SYT14: variants seen among roughly 807,000 people sequenced by gnomAD.
The protein encoded by SYT14 is synaptotagmin 14.
In SYT14, 32 loss-of-function variants were observed where a neutral mutation model predicts 74.2. The ratio of observed to expected loss-of-function variants is 0.43; its 90% CI spans 0.33 to 0.58. The LOEUF (loss-of-function observed/expected upper bound fraction) is 0.58. Ranked by LOEUF, SYT14 falls within the 20% of genes least tolerant of loss-of-function variation. The pLI is 0.05. For missense variants in SYT14, 791 were observed against 981.8 expected (o/e 0.81, Z 2.60); for synonymous variants, 298 against 337.7 (o/e 0.88, Z 1.29).
At chr1:210,101,915 A>G (rs1035408507) in intron 7 of SYT14, among the ~76,000 whole-genome samples, 1 of 151,666 alleles carries the variant, frequency 6.6e-6, no homozygotes, top group Non-Finnish European at 1.5e-5. Context: ...CATTTCACAA[A>G]GAGAATGAAG....
At chr1:210,111,355 A>G (rs966762436) in intron 7 of SYT14, among the ~76,000 whole-genome samples, 1 of 152,010 alleles carries the variant, frequency 6.6e-6, no homozygotes, top group Non-Finnish European at 1.5e-5. Flanking sequence ...TAATGTCATC[A>G]GTTAAGGCAG....
intron 7 of SYT14, among the ~76,000 whole-genome samples, chr1:210,153,289 A>G (rs12071204): frequency 0.021 from 3,203 of 152,250 alleles, 112 homozygotes; most frequent in African/African-American, 0.073. Context: ...GCGTTACCTC[A>G]TAGTTTTCAT....
intron 2 of SYT14, among the ~76,000 whole-genome samples, chr1:209,988,025 ACTT>A (rs2079600887): frequency 6.6e-6 from 1 of 151,940 alleles, no homozygotes; most frequent in Non-Finnish European, 1.5e-5. Flanking sequence ...TTTGACCATC[ACTT>A]CTTCAAATGT....
chr1:210,124,533 T>A (rs1312326553), intron 7 of SYT14, among the ~76,000 whole-genome samples: 1 of 151,782 alleles, frequency 6.6e-6, no homozygotes, highest in Admixed American at 6.6e-5. Flanking sequence ...ACACCAGGGG[T>A]AAAAGAAAAT....
intron 5 of SYT14, among the ~76,000 whole-genome samples, chr1:210,057,828 C>T (rs1278211753): frequency 6.6e-6 from 1 of 152,106 alleles, no homozygotes; most frequent in Non-Finnish European, 1.5e-5. Flanking sequence ...CTCCTACTTC[C>T]CCATAGCCTG....
At chr1:210,066,345 A>T (rs1405312321) in intron 5 of SYT14, among the ~76,000 whole-genome samples, 1 of 152,106 alleles carries the variant, frequency 6.6e-6, no homozygotes, top group African/African-American at 2.4e-5. Flanking sequence ...TCCCACCAAC[A>T]GTGTAAAAGT....
At chr1:209,953,193 C>G (rs770225732) in intron 2 of SYT14, 489 of 1,287,570 alleles carry the variant, frequency 3.8e-4, no homozygotes, top group Non-Finnish European at 4.8e-4. Context: ...ACACCAACAA[C>G]TGTCTATGCT....
intron 1 of SYT14, among the ~76,000 whole-genome samples, chr1:209,946,234 TC>T (rs2078821622): frequency 6.6e-6 from 1 of 151,912 alleles, no homozygotes; most frequent in Non-Finnish European, 1.5e-5. Flanking sequence ...AAAGGAAGAG[TC>T]ACATGTCTCT....
chr1:210,118,996 T>A (rs2082409560), intron 7 of SYT14, among the ~76,000 whole-genome samples: 1 of 152,156 alleles, frequency 6.6e-6, no homozygotes, highest in Non-Finnish European at 1.5e-5. Context: ...TTAATTCTCA[T>A]ATTTTTGTAC....
At chr1:210,020,988 G>A (rs776606166) in intron 4 of SYT14, 51 bp from the exon 4 acceptor site, 1 of 1,537,692 alleles carries the variant, frequency 6.5e-7, no homozygotes, top group Non-Finnish European at 9.0e-7. Flanking sequence ...CAGGTGAGGG[G>A]AGGGAATTTT....
At chr1:210,081,915 T>C (rs2081624081) in intron 5 of SYT14, among the ~76,000 whole-genome samples, 1 of 152,192 alleles carries the variant, frequency 6.6e-6, no homozygotes, top group Non-Finnish European at 1.5e-5. Flanking sequence ...AAGATGAATA[T>C]GATTAAGCAT....
At chr1:210,064,159 C>A (rs1410368338) in intron 5 of SYT14, among the ~76,000 whole-genome samples, 1 of 151,780 alleles carries the variant, frequency 6.6e-6, no homozygotes. Context: ...TAATATATGC[C>A]TTTTTGTGTC....
chr1:210,084,547 A>C (rs1207008130), intron 5 of SYT14, among the ~76,000 whole-genome samples: 1 of 152,210 alleles, frequency 6.6e-6, no homozygotes, highest in Non-Finnish European at 1.5e-5. Flanking sequence ...TGATCCTTCA[A>C]GGAAAAGTAA....
At chr1:209,949,495 C>T (rs1216700329) in intron 1 of SYT14, among the ~76,000 whole-genome samples, 1 of 151,650 alleles carries the variant, frequency 6.6e-6, no homozygotes, top group Non-Finnish European at 1.5e-5. Flanking sequence ...ATTGCTTGAA[C>T]CCGGGAGGCA....
chr1:210,147,759 G>T (rs1001222811), intron 7 of SYT14, among the ~76,000 whole-genome samples: 1 of 152,138 alleles, frequency 6.6e-6, no homozygotes, highest in African/African-American at 2.4e-5. Flanking sequence ...AACAGGGTAA[G>T]CAGAATTAAG....
At chr1:209,979,010 C>T (rs545815048) in intron 2 of SYT14, among the ~76,000 whole-genome samples, 28 of 152,318 alleles carry the variant, frequency 1.8e-4, no homozygotes, top group South Asian at 2.1e-4. Context: ...GAGCCAGGCG[C>T]GGGATATAAT....
At chr1:210,029,113 G>C (rs919300599) in intron 5 of SYT14, among the ~76,000 whole-genome samples, 2 of 152,060 alleles carry the variant, frequency 1.3e-5, no homozygotes, top group Non-Finnish European at 2.9e-5. Context: ...TTTTGGAATT[G>C]CATTGTTTGT....
chr1:210,062,281 A>G (rs2081220210), intron 5 of SYT14, among the ~76,000 whole-genome samples: 2 of 151,898 alleles, frequency 1.3e-5, no homozygotes, highest in Non-Finnish European at 2.9e-5. Context: ...TGGAAATTTG[A>G]TTCTTACAGT....
intron 7 of SYT14, among the ~76,000 whole-genome samples, chr1:210,101,074 A>G (rs954601638): frequency 2.0e-5 from 3 of 152,162 alleles, no homozygotes; most frequent in Admixed American, 1.3e-4. Context: ...TTTGTCCTCC[A>G]GATGATAATC....
Sources: allele counts gnomAD v4.1 joint callset (sites outside exome capture counted in the v4.1 genomes callset), GRCh38; gene constraint gnomAD v4.1.1; transcripts MANE v1.5; gene names NCBI Gene and HGNC (gene_info 2026-07-23, HGNC 2026-07-21).